Variants in ZCWPW2 observed in about 807,000 individuals in gnomAD.
The protein encoded by ZCWPW2 is zinc finger CW-type PWWP domain protein 2.
In ZCWPW2, 45 loss-of-function variants were observed where a neutral mutation model predicts 46.6. The ratio of observed to expected loss-of-function variants is 0.96; its 90% CI spans 0.76 to 1.24. The LOEUF is 1.24. Ranked by LOEUF, ZCWPW2 falls within the 50% of genes most tolerant of loss-of-function variation. The pLI, the probability that ZCWPW2 is intolerant of heterozygous loss-of-function variation, is 0.00. For synonymous variants in ZCWPW2, 152 were observed against 137.1 expected, an observed-to-expected ratio of 1.11 and a Z score of -0.76; for missense variants, 429 against 403.9, an observed-to-expected ratio of 1.06 and a Z score of -0.53.
At chr3:28,496,888 A>T (rs563463370) in intron 6 of ZCWPW2, among the ~76,000 whole-genome samples, 1 of 151,734 alleles carries the variant, frequency 6.6e-6, no homozygotes, top group East Asian at 2.0e-4. Flanking sequence ...CACAATGCAA[A>T]GATGGATGAT....
chr3:28,377,412 G>A (rs1429847866), intron 1 of ZCWPW2, among the ~76,000 whole-genome samples: 1 of 152,022 alleles, frequency 6.6e-6, no homozygotes, highest in Non-Finnish European at 1.5e-5. Flanking sequence ...AACAAGGAAA[G>A]TAAATGACAA....
At chr3:28,362,526 C>G (rs891624298) in intron 1 of ZCWPW2, among the ~76,000 whole-genome samples, 1 of 152,136 alleles carries the variant, frequency 6.6e-6, no homozygotes, top group Admixed American at 6.5e-5. Context: ...CAATGAGATA[C>G]AATCTCCCAC....
chr3:28,443,861 C>T (rs1697870882), intron 4 of ZCWPW2, among the ~76,000 whole-genome samples: 1 of 152,136 alleles, frequency 6.6e-6, no homozygotes, highest in African/African-American at 2.4e-5. Flanking sequence ...CTGGACCCTT[C>T]CAGCTAGGAT....
chr3:28,381,150 T>C (rs1164565500), intron 1 of ZCWPW2, among the ~76,000 whole-genome samples: 1 of 146,128 alleles, frequency 6.8e-6, no homozygotes, highest in Non-Finnish European at 1.5e-5. Flanking sequence ...GATGGGGAAG[T>C]ACTTCATTTA....
rs534261583 is a variant in ZCWPW2, at chr3:28,355,491, A to G, written c.-134+6288A>G. Among the ~76,000 whole-genome samples, 7 of 152,356 alleles carry G rather than the reference A, an allele frequency of 4.6e-5. No homozygotes were observed. The East Asian group carries it at 9.6e-4, about 21-fold the overall frequency. On this transcript the variant is annotated intron_variant, in intron 1 of 9. Coordinates refer to ENST00000383768, the MANE Select transcript of ZCWPW2 (RefSeq NM_001040432.4). ...TAATGACTTTCTTCACAGAATTGGA[A>G]AAAACTACTTTAAAGTTCATATGGA... is the stretch of plus-strand genomic sequence containing the variant.
chr3:28,387,012 A>G (rs1469005844), intron 1 of ZCWPW2, among the ~76,000 whole-genome samples: 1 of 152,220 alleles, frequency 6.6e-6, no homozygotes, highest in Non-Finnish European at 1.5e-5. Flanking sequence ...ATATCAGTAG[A>G]CTACCGAAGG....
intron 3 of ZCWPW2, among the ~76,000 whole-genome samples, chr3:28,425,732 T>A (rs545148089): frequency 6.6e-6 from 1 of 152,240 alleles, no homozygotes; most frequent in Admixed American, 6.5e-5. Context: ...TCTTTTCCTA[T>A]GTGCAGACTC....
At chr3:28,425,302 A>G (rs956829634) in intron 3 of ZCWPW2, among the ~76,000 whole-genome samples, 6 of 152,196 alleles carry the variant, frequency 3.9e-5, no homozygotes, top group Non-Finnish European at 8.8e-5. Context: ...GCACACACCT[A>G]AAATACAGAT....
intron 1 of ZCWPW2, among the ~76,000 whole-genome samples, chr3:28,382,360 T>C (rs1269535379): frequency 6.6e-6 from 1 of 152,062 alleles, no homozygotes; most frequent in Non-Finnish European, 1.5e-5. Flanking sequence ...TTCCTCTGTA[T>C]GTGTCTGTGT....
At chr3:28,392,622 C>G (rs976471273) in intron 2 of ZCWPW2, among the ~76,000 whole-genome samples, 1 of 151,806 alleles carries the variant, frequency 6.6e-6, no homozygotes, top group African/African-American at 2.4e-5. Context: ...AATTTCTGAC[C>G]ACAATGGTAT....
Position 28,521,942 on chromosome 3 carries a change from C to T in ZCWPW2, c.909+826C>T, listed in dbSNP as rs60556473. ...ATAATCCTGTGTCCCAATCCTGGTC[C>T]TGCCAATAAGGACTTATGTAATTTG... On this transcript the variant is annotated intron_variant, in intron 9 of 9. Coordinates refer to ENST00000383768, the MANE Select transcript of ZCWPW2 (RefSeq NM_001040432.4). 1.4e-4 allele frequency among the ~76,000 whole-genome samples: 21 copies of T among 152,306 alleles called. No individual in the cohort carries two copies. In the East Asian group the frequency reaches 3.9e-3, roughly 28 times the overall value.
chr3:28,470,376 A>C (rs1057433481), intron 4 of ZCWPW2, among the ~76,000 whole-genome samples: 2 of 151,994 alleles, frequency 1.3e-5, no homozygotes, highest in Non-Finnish European at 2.9e-5. Context: ...GCATGCCGGT[A>C]ATCCCAGCTA....
Position 28,359,690 on chromosome 3 carries a change from A to T in ZCWPW2, c.-134+10487A>T, listed in dbSNP as rs184105488. Among the ~76,000 whole-genome samples the T allele has an allele frequency of 1.8e-3, 269 of 152,268 alleles. 1 individual carries two copies. Among genetic ancestry groups the T allele is most frequent in the African/African-American group, 6.3e-3 (260 of 41,580 alleles). On this transcript the variant is annotated intron_variant, in intron 1 of 9. Coordinates refer to ENST00000383768, the MANE Select transcript of ZCWPW2 (RefSeq NM_001040432.4). ...ATTCATTGCTTTTTAGGAGAGAAAAAACTATAGCGCAATCAGGAAATCATC... is the reference window on the plus strand; with the variant it reads ...ATTCATTGCTTTTTAGGAGAGAAAATACTATAGCGCAATCAGGAAATCATC...
chr3:28,515,997 T>A (rs1478513261), intron 8 of ZCWPW2, among the ~76,000 whole-genome samples: 1 of 151,988 alleles, frequency 6.6e-6, no homozygotes, highest in Non-Finnish European at 1.5e-5. Flanking sequence ...TCCTAGCACC[T>A]TGGGAGGCCA....
chr3:28,398,473 C>T (rs1159481296), intron 2 of ZCWPW2, among the ~76,000 whole-genome samples: 1 of 152,170 alleles, frequency 6.6e-6, no homozygotes, highest in Non-Finnish European at 1.5e-5. Context: ...ATGGATAGAA[C>T]AGTGTGCGGA....
intron 5 of ZCWPW2, among the ~76,000 whole-genome samples, chr3:28,480,381 G>C (rs887554846): frequency 6.6e-6 from 1 of 151,728 alleles, no homozygotes; most frequent in African/African-American, 2.4e-5. Flanking sequence ...AAAATTGTCT[G>C]TTTGTGTCCT....
At chr3:28,475,176 C>G (rs1699193600) in intron 4 of ZCWPW2, among the ~76,000 whole-genome samples, 3 of 151,912 alleles carry the variant, frequency 2.0e-5, no homozygotes, top group African/African-American at 7.3e-5. Flanking sequence ...ATCTTTCTTT[C>G]TTGACAGACT....
intron 4 of ZCWPW2, among the ~76,000 whole-genome samples, chr3:28,440,345 G>A (rs781747939): frequency 1.3e-5 from 2 of 152,106 alleles, no homozygotes; most frequent in Non-Finnish European, 2.9e-5. Context: ...CTTGAACTAA[G>A]ACCTCTAGGC....
intron 3 of ZCWPW2, among the ~76,000 whole-genome samples, chr3:28,429,740 C>G (rs954284896): frequency 6.6e-6 from 1 of 152,070 alleles, no homozygotes; most frequent in Non-Finnish European, 1.5e-5. Context: ...TTTGTGTAGT[C>G]GTGGGACTTG....
Sources: gnomAD v4.1 joint callset for allele counts (sites outside exome capture counted in the v4.1 genomes callset) on GRCh38, gnomAD v4.1.1 for gene constraint, MANE v1.5 for transcripts, NCBI Gene and HGNC (gene_info 2026-07-23, HGNC 2026-07-21) for gene names.